Variants in C8orf34 observed in about 807,000 individuals in gnomAD.
The protein encoded by C8orf34 is uncharacterized protein C8orf34.
Under a neutral mutation model 68.3 loss-of-function variants are expected in C8orf34, and 65 were observed. The ratio of observed to expected loss-of-function variants is 0.95; its 90% CI spans 0.78 to 1.17. The LOEUF (loss-of-function observed/expected upper bound fraction) is 1.17, where lower values mean the gene tolerates loss of function less well. Ranked by LOEUF, C8orf34 falls within the 50% of genes most tolerant of loss-of-function variation. The pLI is 0.00. For missense variants in C8orf34, 664 were observed against 655.4 expected (o/e 1.01, Z -0.14); for synonymous variants, 244 against 241.2 (o/e 1.01, Z -0.11).
intron 12 of C8orf34, among the ~76,000 whole-genome samples, chr8:68,794,507 T>TATATA (rs1585894787): frequency 1.4e-5 from 1 of 69,282 alleles, no homozygotes; most frequent in Non-Finnish European, 2.6e-5. Flanking sequence ...ATATATATAT[T>TATATA]TTTTTTTTTT....
intron 10 of C8orf34, among the ~76,000 whole-genome samples, chr8:68,774,980 G>C (rs1021908763): frequency 9.5e-6 from 1 of 105,528 alleles, no homozygotes; most frequent in African/African-American, 4.2e-5. Context: ...AGCTGGGCGG[G>C]GTGGCACATG....
At chr8:68,492,669 A>C (rs1330598093) in intron 5 of C8orf34, among the ~76,000 whole-genome samples, 1 of 152,054 alleles carries the variant, frequency 6.6e-6, no homozygotes, top group East Asian at 1.9e-4. Flanking sequence ...CAGTACTTCT[A>C]GGTCATAGTT....
chr8:68,794,866 C>T (rs1824131693), intron 12 of C8orf34, among the ~76,000 whole-genome samples: 1 of 151,976 alleles, frequency 6.6e-6, no homozygotes, highest in African/African-American at 2.4e-5. Flanking sequence ...TCAGCATTTC[C>T]TTTGTACGTC....
intron 8 of C8orf34, among the ~76,000 whole-genome samples, chr8:68,655,624 G>A (rs564478492): frequency 3.3e-5 from 5 of 152,264 alleles, no homozygotes; most frequent in East Asian, 1.9e-4. Context: ...CACACTAAGC[G>A]ATCTGAGTAC....
At chr8:68,607,355 C>T (rs996733609) in intron 7 of C8orf34, among the ~76,000 whole-genome samples, 4 of 152,116 alleles carry the variant, frequency 2.6e-5, no homozygotes, top group South Asian at 2.1e-4. Flanking sequence ...ATCAAGGTGT[C>T]GGCAGGGTTG....
chr8:68,357,037 TA>T (rs1432124662), intron 1 of C8orf34, among the ~76,000 whole-genome samples: 2 of 152,142 alleles, frequency 1.3e-5, no homozygotes, highest in Non-Finnish European at 2.9e-5. Flanking sequence ...GTTTTTGAGA[TA>T]TTATCTTTAA....
chr8:68,687,978 T>A (rs1054427350), intron 8 of C8orf34, among the ~76,000 whole-genome samples: 1 of 151,932 alleles, frequency 6.6e-6, no homozygotes. Flanking sequence ...AGGACAGGAA[T>A]AGACATTTCT....
chr8:68,370,809 T>A (rs952197810), intron 1 of C8orf34, among the ~76,000 whole-genome samples: 5 of 152,204 alleles, frequency 3.3e-5, no homozygotes, highest in Admixed American at 2.6e-4. Context: ...AATATAATGT[T>A]ATATTCCATT....
chr8:68,465,558 C>A (rs962257158), intron 3 of C8orf34, among the ~76,000 whole-genome samples: 11 of 152,182 alleles, frequency 7.2e-5, no homozygotes, highest in African/African-American at 1.9e-4. Context: ...ACCCAAATGT[C>A]CAACAATGAT....
chr8:68,618,102 G>C (rs970098124), intron 7 of C8orf34, among the ~76,000 whole-genome samples: 7 of 151,490 alleles, frequency 4.6e-5, no homozygotes, highest in Admixed American at 3.3e-4. Flanking sequence ...ATCTTGTCTT[G>C]AATGTCTCAA....
chr8:68,377,581 G>A (rs1807857451), intron 1 of C8orf34, among the ~76,000 whole-genome samples: 1 of 152,134 alleles, frequency 6.6e-6, no homozygotes, highest in Non-Finnish European at 1.5e-5. Flanking sequence ...CAAATGTTTT[G>A]AGCATCATTG....
chr8:68,347,271 T>G (rs942532361), intron 1 of C8orf34, among the ~76,000 whole-genome samples: 1 of 152,162 alleles, frequency 6.6e-6, no homozygotes, highest in African/African-American at 2.4e-5. Context: ...GCTCTGTTCA[T>G]GTTACTGCAA....
At chr8:68,639,431 T>C (rs1818938622) in intron 7 of C8orf34, among the ~76,000 whole-genome samples, 1 of 152,008 alleles carries the variant, frequency 6.6e-6, no homozygotes, top group Non-Finnish European at 1.5e-5. Flanking sequence ...TGACACTCAT[T>C]TGTAATATCC....
intron 2 of C8orf34, among the ~76,000 whole-genome samples, chr8:68,441,103 C>T (rs1051875035): frequency 6.6e-6 from 1 of 152,030 alleles, no homozygotes; most frequent in Non-Finnish European, 1.5e-5. Context: ...CATGCCCTGC[C>T]AACTCTTCAT....
intron 1 of C8orf34, among the ~76,000 whole-genome samples, chr8:68,349,030 T>A (rs1160791423): frequency 6.6e-6 from 1 of 152,110 alleles, no homozygotes; most frequent in African/African-American, 2.4e-5. Context: ...AGAGAGGATA[T>A]CCTTGTCGTT....
At chr8:68,444,039 TG>T (rs1206992038) in intron 2 of C8orf34, among the ~76,000 whole-genome samples, 1 of 152,216 alleles carries the variant, frequency 6.6e-6, no homozygotes, top group Non-Finnish European at 1.5e-5. Flanking sequence ...TCTTATTTAC[TG>T]TTCTCTGTTT....
At chr8:68,439,869 T>G (rs933882354) in intron 2 of C8orf34, among the ~76,000 whole-genome samples, 3 of 152,230 alleles carry the variant, frequency 2.0e-5, no homozygotes, top group Non-Finnish European at 2.9e-5. Context: ...TTTTGCATTT[T>G]AATACAGATA....
At chr8:68,601,012 A>G (rs926413458) in intron 7 of C8orf34, among the ~76,000 whole-genome samples, 1 of 152,078 alleles carries the variant, frequency 6.6e-6, no homozygotes, top group Non-Finnish European at 1.5e-5. Flanking sequence ...GAAAACATGC[A>G]TTTTTTGCCT....
At chr8:68,673,675 C>G (rs991722488) in intron 8 of C8orf34, among the ~76,000 whole-genome samples, 14 of 152,288 alleles carry the variant, frequency 9.2e-5, no homozygotes, top group African/African-American at 3.4e-4. Flanking sequence ...TCCTAGAAAA[C>G]ATCTGTGGAT....
Sources: allele counts gnomAD v4.1 joint callset (sites outside exome capture counted in the v4.1 genomes callset), GRCh38; gene constraint gnomAD v4.1.1; transcripts MANE v1.5; gene names NCBI Gene and HGNC (gene_info 2026-07-23, HGNC 2026-07-21).